The following CNNM1 variants were observed in gnomAD, a reference collection of about 807,000 sequenced individuals.
CNNM1 encodes metal transporter CNNM1.
In CNNM1, 44 loss-of-function variants were observed where a neutral mutation model predicts 78.8. That is an observed-to-expected ratio of 0.56 (90% CI 0.44 to 0.72). The LOEUF is 0.72. Ranked by LOEUF, CNNM1 falls within the 30% of genes least tolerant of loss-of-function variation. The probability of loss-of-function intolerance (pLI) is 0.00; values close to 1 mark genes in which losing one functional copy is unlikely to be tolerated. For synonymous variants in CNNM1, 584 were observed against 581.5 expected, an observed-to-expected ratio of 1.00 and a Z score of -0.06; for missense variants, 1,101 against 1,292.2, an observed-to-expected ratio of 0.85 and a Z score of 2.27.
intron 1 of CNNM1, among the ~76,000 whole-genome samples, chr10:99,337,095 G>T (rs890902658): frequency 2.0e-5 from 3 of 152,134 alleles, no homozygotes; most frequent in Non-Finnish European, 4.4e-5. Flanking sequence ...ATCGCATTAT[G>T]CTTACTTACT....
In CNNM1 at chr10:99,377,082, G is replaced by C. The variant is rs1302808866; in HGVS notation, c.2204G>C (p.Gly735Ala). 2 of 1,581,162 alleles carry C rather than the reference G, an allele frequency of 1.3e-6. No homozygotes were observed. The highest frequency in any genetic ancestry group is 2.3e-5 in the South Asian group (2 of 86,312). Residue 735 changes from glycine to alanine, a missense_variant, in exon 7 of 11, where the codon GGG becomes GCG. By Grantham distance (60) the Gly-to-Ala change is moderately conservative (BLOSUM62 0). Around this residue, in one of 3 missense-constraint regions of CNNM1, gnomAD observed 348 missense variants for 384.5 expected, o/e 0.90. Transcript: ENST00000356713. Reference protein sequence around the residue: ...FLNRSPSRCSGLNRSESPNRE... With the variant: ...FLNRSPSRCSALNRSESPNRE... The stretch of plus-strand genomic sequence containing the variant: ...AACCGGTCCCCTTCTCGCTGCAGTG[G>C]GTTGAATCGCTCTGAGTCTCCAAAC...
intron 3 of CNNM1, among the ~76,000 whole-genome samples, chr10:99,361,228 C>A (rs530291021): frequency 8.5e-5 from 13 of 152,250 alleles, no homozygotes; most frequent in African/African-American, 2.9e-4. Context: ...GCTAAAGAAA[C>A]CATTGCTGCA....
chr10:99,352,031 C>T (rs971801979), intron 1 of CNNM1, among the ~76,000 whole-genome samples: 4 of 152,144 alleles, frequency 2.6e-5, no homozygotes, highest in African/African-American at 9.7e-5. Context: ...ACACTTAATG[C>T]ATTTTTGTAT....
At chr10:99,342,839 G>A (rs2030513437) in intron 1 of CNNM1, among the ~76,000 whole-genome samples, 1 of 152,110 alleles carries the variant, frequency 6.6e-6, no homozygotes, top group Non-Finnish European at 1.5e-5. Flanking sequence ...ATATATCATT[G>A]CAAAGAAGTA....
At chr10:99,348,959 A>C (rs2030821994) in intron 1 of CNNM1, among the ~76,000 whole-genome samples, 1 of 152,134 alleles carries the variant, frequency 6.6e-6, no homozygotes, top group Admixed American at 6.5e-5. Flanking sequence ...TGTCTTAGCT[A>C]CTCAGGAGGC....
At chr10:99,376,437 G>A (rs866914618) in intron 6 of CNNM1, among the ~76,000 whole-genome samples, 4 of 152,310 alleles carry the variant, frequency 2.6e-5, no homozygotes, top group East Asian at 1.9e-4. Context: ...GTGGGCTTCC[G>A]TTTGTCTCAG....
chr10:99,372,800 G>T (rs151143524), intron 6 of CNNM1, among the ~76,000 whole-genome samples: 1 of 152,082 alleles, frequency 6.6e-6, no homozygotes, highest in Non-Finnish European at 1.5e-5. Flanking sequence ...TTGATCTTGC[G>T]CAATACTCAG....
intron 6 of CNNM1, among the ~76,000 whole-genome samples, chr10:99,374,961 AG>A (rs1471315255): frequency 1.3e-5 from 2 of 152,246 alleles, no homozygotes; most frequent in Non-Finnish European, 2.9e-5. Flanking sequence ...GAATCTTCCT[AG>A]GTGACCAGAC....
intron 1 of CNNM1, among the ~76,000 whole-genome samples, chr10:99,340,876 T>TCCTTCCTTCCTGCCTGCCTG (rs71009744): frequency 0.14 from 18,960 of 137,852 alleles, 1,980 homozygotes; most frequent in African/African-American, 0.28. Context: ...CTTCCTTCCT[T>TCCTTCCTTCCTGCCTGCCTG]CCTGCCTGCC....
intron 2 of CNNM1, among the ~76,000 whole-genome samples, chr10:99,360,125 A>G (rs1339440280): frequency 1.3e-5 from 2 of 152,194 alleles, no homozygotes; most frequent in Non-Finnish European, 2.9e-5. Context: ...TAGAGATTAT[A>G]GGTCCAATCT....
rs1310045913 is a variant in CNNM1 at position 99,393,015 on chromosome 10, G to T, written c.*1499G>T. 6.6e-6 allele frequency: 1 copy of T among 152,068 alleles called. No homozygotes were observed. The highest frequency in any genetic ancestry group is 1.9e-4 in the East Asian group (1 of 5,194). The allele number at this position is 152,068 out of a possible 1,614,324, so 9.4% of individuals were successfully genotyped here. On this transcript the variant is annotated 3_prime_UTR_variant, in exon 11 of 11. Coordinates refer to ENST00000356713, the MANE Select transcript of CNNM1 (RefSeq NM_020348.3). Reference sequence around the variant, plus strand: ...AGAAAAGAAAAGAAAAGCAACCACAGCCAGCCTTAGGGAAAACTTGGAAGT... The same window carrying T: ...AGAAAAGAAAAGAAAAGCAACCACATCCAGCCTTAGGGAAAACTTGGAAGT...
Position 99,330,176 on chromosome 10 carries a change from C to A in CNNM1, c.789C>A (p.Ala263=), listed in dbSNP as rs1011253514. The A allele has an allele frequency of 4.6e-6, 7 of 1,519,810 alleles. No homozygotes were observed. The African/African-American group carries it at 6.9e-5, about 15-fold the overall frequency. 94.1% of individuals were successfully genotyped at this position (1,519,810 alleles called of 1,614,324 possible). A position where few individuals can be genotyped will look rare whatever the true frequency, so the allele number is the denominator to read the frequency against. The change falls in exon 1 of 11, where the codon GCC becomes GCA. Residue 263 remains alanine (A), a synonymous_variant. Coordinates refer to ENST00000356713, the MANE Select transcript of CNNM1 (RefSeq NM_020348.3). ...GGGTGCTGCGGAACAGCGGCTCGGC[C>A]GCCGAGCAGGAGCAGGCGCGCCGCG... The part of the protein sequence containing the change: ...ELRVLRNSGS[A]AEQEQARRVQ...
chr10:99,329,970 C>T lies in CNNM1; in HGVS notation c.583C>T (p.His195Tyr). 7.2e-7 allele frequency: 1 copy of T among 1,386,494 alleles called. No individual in the cohort carries two copies. The highest frequency in any genetic ancestry group is 9.2e-7 in the Non-Finnish European group (1 of 1,081,542). The allele number at this position is 1,386,494 out of a possible 1,614,324, so 85.9% of individuals were successfully genotyped here. ...SLCAWDGRAW[H>Y]HHGAAGGFLL... ...CTGCGCCTGGGATGGGCGCGCGTGG[C>T]ACCACCACGGCGCCGCCGGCGGCTT... Residue 195 changes from histidine to tyrosine, a missense_variant, in exon 1 of 11, where the codon CAC becomes TAC. His to Tyr is a moderately conservative substitution (Grantham distance 83). Coordinates refer to ENST00000356713, the MANE Select transcript of CNNM1 (RefSeq NM_020348.3).
At position 99,330,127 on chromosome 10, in the gene CNNM1, T is replaced by A; in HGVS notation, c.740T>A (p.Leu247Gln). The A allele has an allele frequency of 6.5e-7, 1 of 1,549,232 alleles. No homozygotes were observed. The highest frequency in any genetic ancestry group is 8.7e-7 in the Non-Finnish European group (1 of 1,154,416). ...TTCAGCGGCCTGCGCCTGAGCCTGC[T>A]GTCGCTGGACCCGGTGGAGTTACGG... ...ALFSGLRLSL[L>Q]SLDPVELRVL... The change falls in exon 1 of 11, where the codon CTG becomes CAG. Residue 247 changes from leucine to glutamine, a missense_variant. Physicochemically the swap from Leu to Gln is moderately radical, Grantham distance 113. Transcript: ENST00000356713.
At chr10:99,373,623 A>G (rs112717460) in intron 6 of CNNM1, among the ~76,000 whole-genome samples, 51 of 152,298 alleles carry the variant, frequency 3.3e-4, no homozygotes, top group African/African-American at 1.2e-3. Flanking sequence ...ACATAGATAT[A>G]TTACATAGTG....
intron 1 of CNNM1, among the ~76,000 whole-genome samples, chr10:99,339,292 A>T (rs1284293000): frequency 6.6e-6 from 1 of 152,208 alleles, no homozygotes; most frequent in Non-Finnish European, 1.5e-5. Flanking sequence ...CAGGCATTAC[A>T]CTAGACTCTG....
chr10:99,358,022 A>G (rs923663350), intron 2 of CNNM1, among the ~76,000 whole-genome samples: 1 of 152,190 alleles, frequency 6.6e-6, no homozygotes, highest in African/African-American at 2.4e-5. Flanking sequence ...TGGTTGCTTC[A>G]TCCACCTAGA....
At chr10:99,357,438 G>T (rs939257399) in intron 1 of CNNM1, 74 bp from the exon 2 acceptor site, 3 of 1,481,508 alleles carry the variant, frequency 2.0e-6, no homozygotes, top group East Asian at 4.6e-5. Context: ...CAGCAACTTT[G>T]TATCATTTTT....
intron 1 of CNNM1, among the ~76,000 whole-genome samples, chr10:99,353,328 T>C (rs1350464325): frequency 6.6e-5 from 10 of 152,166 alleles, no homozygotes; most frequent in Admixed American, 5.9e-4. Context: ...GGGGATCACA[T>C]ATAAATAGAA....
Sources: allele counts gnomAD v4.1 joint callset (sites outside exome capture counted in the v4.1 genomes callset), GRCh38; gene constraint gnomAD v4.1.1; regional missense constraint gnomAD v4.1.1; transcripts MANE v1.5; gene names NCBI Gene and HGNC (gene_info 2026-07-23, HGNC 2026-07-21).